The following DBNL variants were observed in gnomAD, a reference collection of about 807,000 sequenced individuals.
DBNL encodes the protein drebrin-like protein.
Under a neutral mutation model 62.2 loss-of-function variants are expected in DBNL, and 35 were observed. The ratio of observed to expected loss-of-function variants is 0.56; its 90% CI spans 0.43 to 0.75. The LOEUF (loss-of-function observed/expected upper bound fraction) is 0.75. DBNL is among the 30% of genes least tolerant of loss of function. The pLI, the probability that DBNL is intolerant of heterozygous loss-of-function variation, is 0.00. For synonymous variants in DBNL, 197 were observed against 218.0 expected, an observed-to-expected ratio of 0.90 and a Z score of 0.85; for missense variants, 495 against 578.4, an observed-to-expected ratio of 0.86 and a Z score of 1.48.
Position 44,063,107 on chromosome 7 carries a change from A to C in DBNL, c.*2191A>C. 1.5e-6 allele frequency: 1 copy of C among 685,186 alleles called. No homozygotes were observed. Among genetic ancestry groups the C allele is most frequent in the Non-Finnish European group, 2.6e-6 (1 of 384,414 alleles). The allele number at this position is 685,186 out of a possible 1,614,324, so 42.4% of individuals were successfully genotyped here. The stretch of plus-strand genomic sequence containing the variant: ...GGTCAAGGAGTAACTGAGTTAGACC[A>C]AGCAGCCTACAGAAATAGCCCAGTG... On this transcript the variant is annotated 3_prime_UTR_variant, in exon 13 of 13. Coordinates refer to ENST00000448521, the MANE Select transcript of DBNL (RefSeq NM_001014436.3).
chr7:44,052,230 T>C (rs2096127839), intron 3 of DBNL, among the ~76,000 whole-genome samples: 1 of 151,980 alleles, frequency 6.6e-6, no homozygotes, highest in African/African-American at 2.4e-5. Context: ...GGGTGGTTGT[T>C]CTGATGGAGT....
At chr7:44,056,157 T>G (rs992427668) in intron 4 of DBNL, among the ~76,000 whole-genome samples, 1 of 152,206 alleles carries the variant, frequency 6.6e-6, no homozygotes, top group African/African-American at 2.4e-5. Context: ...CCTAGCCCTG[T>G]TTATGAAGGA....
rs201908821 is a variant in DBNL, at chr7:44,064,832, C to A, written c.*3916C>A. 73 of 1,602,886 alleles carry A rather than the reference C, an allele frequency of 4.6e-5. No individual in the cohort carries two copies. The highest frequency in any genetic ancestry group is 5.7e-5 in the Non-Finnish European group (67 of 1,176,804). On this transcript the variant is annotated 3_prime_UTR_variant, in exon 13 of 13. Transcript: ENST00000448521. ...CCCAGGCTCCTGAAGGTGGCCTCACCTTCCAGGTGCTTGACAATGCCCCGC... is the reference window on the plus strand; with the variant it reads ...CCCAGGCTCCTGAAGGTGGCCTCACATTCCAGGTGCTTGACAATGCCCCGC...
Position 44,053,883 on chromosome 7 carries a change from A to G in DBNL, c.327+942A>G, listed in dbSNP as rs556507713. Reference sequence around the variant, plus strand: ...AGTAGAGACGGGGTTTCACTGTGTTAGCCAGGATGGTCTCGATCTCCTGAC... The same window carrying G: ...AGTAGAGACGGGGTTTCACTGTGTTGGCCAGGATGGTCTCGATCTCCTGAC... On this transcript the variant is annotated intron_variant, in intron 4 of 12. Coordinates refer to ENST00000448521, the MANE Select transcript of DBNL (RefSeq NM_001014436.3). 1.8e-4 allele frequency among the ~76,000 whole-genome samples: 27 copies of G among 151,990 alleles called. No individual in the cohort carries two copies. In the East Asian group the frequency reaches 3.3e-3, roughly 19 times the overall value.
intron 2 of DBNL, 160 bp from the exon 3 acceptor site, chr7:44,051,670 G>T: frequency 3.2e-6 from 2 of 625,050 alleles, no homozygotes; most frequent in South Asian, 3.9e-5. Flanking sequence ...TGAGGGTGGT[G>T]CCCAGGACTC....
At chr7:44,048,348 C>T (rs2096120895) in intron 1 of DBNL, among the ~76,000 whole-genome samples, 1 of 152,262 alleles carries the variant, frequency 6.6e-6, no homozygotes, top group Admixed American at 6.5e-5. Flanking sequence ...AGGGAGTTCC[C>T]CCCAGCTCAT....
Position 44,064,938 on chromosome 7 carries a change from G to C in DBNL, c.*4022G>C, listed in dbSNP as rs1201379677. On this transcript the variant is annotated 3_prime_UTR_variant, in exon 13 of 13. Transcript: ENST00000448521. The stretch of plus-strand genomic sequence containing the variant: ...CAATCTCCTCGTTCCAGAAGGGCAG[G>C]GCCCGGGCAATGGTGTCCTTGAGGC... 4 of 1,610,022 alleles carry C rather than the reference G, an allele frequency of 2.5e-6. No individual in the cohort carries two copies. The highest frequency in any genetic ancestry group is 3.4e-6 in the Non-Finnish European group (4 of 1,179,710).
chr7:44,052,744 T>C (rs1448434587), intron 3 of DBNL, 123 bp from the exon 4 acceptor site: 1 of 1,120,316 alleles, frequency 8.9e-7, no homozygotes, highest in Non-Finnish European at 1.3e-6. Flanking sequence ...GTCAGAAGAA[T>C]AGGTTCTGCT....
rs2096148528 is a variant in DBNL at position 44,061,263 on chromosome 7, C to T, written c.*347C>T. On this transcript the variant is annotated 3_prime_UTR_variant, in exon 13 of 13. Coordinates refer to ENST00000448521, the MANE Select transcript of DBNL (RefSeq NM_001014436.3). Reference sequence around the variant, plus strand: ...GGGGCATCTGGGAGGCTCTGGCTGCCTTCTGCATTTATTTGCCTTTTTTCT... The same window carrying T: ...GGGGCATCTGGGAGGCTCTGGCTGCTTTCTGCATTTATTTGCCTTTTTTCT... 1 of 272,028 alleles carries T rather than the reference C, an allele frequency of 3.7e-6. No individual in the cohort carries two copies. Among genetic ancestry groups the T allele is most frequent in the African/African-American group, 2.2e-5 (1 of 45,830 alleles). The allele number at this position is 272,028 out of a possible 1,614,324, so 16.9% of individuals were successfully genotyped here. A position where few individuals can be genotyped will look rare whatever the true frequency, so the allele number is the denominator to read the frequency against.
Position 44,064,354 on chromosome 7 carries a change from C to A in DBNL, c.*3438C>A. 1 of 212,614 alleles carries A rather than the reference C, an allele frequency of 4.7e-6. No individual in the cohort carries two copies. The highest frequency in any genetic ancestry group is 7.1e-5 in the South Asian group (1 of 14,046). The allele number at this position is 212,614 out of a possible 1,614,324, so 13.2% of individuals were successfully genotyped here. A position where few individuals can be genotyped will look rare whatever the true frequency, so the allele number is the denominator to read the frequency against. On this transcript the variant is annotated 3_prime_UTR_variant, in exon 13 of 13. Transcript: ENST00000448521. ...AGGGAGATAGGTGGTGAAGCTCATGCAGGGATTCTGAGGACCTGATGGGGG... is the reference window on the plus strand; with the variant it reads ...AGGGAGATAGGTGGTGAAGCTCATGAAGGGATTCTGAGGACCTGATGGGGG...
At chr7:44,046,678 T>C (rs1221827205) in intron 1 of DBNL, among the ~76,000 whole-genome samples, 2 of 152,222 alleles carry the variant, frequency 1.3e-5, no homozygotes, top group African/African-American at 4.8e-5. Context: ...CATAACCCAC[T>C]GACCTCCACC....
rs754597320 is a variant in DBNL, at chr7:44,058,218, G to A, written c.642G>A (p.Leu214=). The change falls in exon 7 of 13, where the codon CTG becomes CTA. Residue 214 remains leucine, a synonymous_variant. Coordinates refer to ENST00000448521, the MANE Select transcript of DBNL (RefSeq NM_001014436.3). The part of the protein sequence containing the change: ...QLEQERRERE[L]REAARREQRY... ...AGCAGGAGCGCCGGGAGCGTGAGCT[G>A]CGTGAGGCTGCACGCCGGGAGCAGC... 1.3e-6 allele frequency: 2 copies of A among 1,569,846 alleles called. No homozygotes were observed. Among genetic ancestry groups the A allele is most frequent in the Admixed American group, 1.9e-5 (1 of 52,544 alleles).
chr7:44,051,759 C>A, intron 2 of DBNL, 71 bp from the exon 3 acceptor site: 2 of 1,493,244 alleles, frequency 1.3e-6, no homozygotes, highest in Non-Finnish European at 1.9e-6. Flanking sequence ...CTCGGCCTCC[C>A]TTCATGGTGG....
In DBNL at chr7:44,059,299, C is replaced by T. The variant is rs896144390; in HGVS notation, c.836-55C>T. The T allele has an allele frequency of 8.7e-5, 136 of 1,561,258 alleles. No individual in the cohort carries two copies. Among genetic ancestry groups the T allele is most frequent in the Middle Eastern group, 8.4e-4 (5 of 5,944 alleles). On this transcript the variant is annotated intron_variant, in intron 9 of 12. Coordinates refer to ENST00000448521, the MANE Select transcript of DBNL (RefSeq NM_001014436.3). This position sits in a 1 kb window ranked among gnomAD's most constrained non-coding sequence, Gnocchi z 4.1. ...CCAGGGTGGAGGGTGCTGTGGGGTG[C>T]GTGGGTGTGTGGTGGTGTTTCTGAA...
intron 5 of DBNL, among the ~76,000 whole-genome samples, 163 bp from the exon 6 acceptor site, chr7:44,057,619 G>C (rs972195832): frequency 6.6e-6 from 1 of 152,194 alleles, no homozygotes; most frequent in Non-Finnish European, 1.5e-5. Context: ...CTTGGTGTGT[G>C]TCTCCTTGAG....
rs779964633 is a variant in DBNL, at chr7:44,062,891, G to A, written c.*1975G>A. 5.0e-5 allele frequency: 81 copies of A among 1,614,070 alleles called. No homozygotes were observed. The highest frequency in any genetic ancestry group is 1.5e-4 in the Admixed American group (9 of 60,006). On this transcript the variant is annotated 3_prime_UTR_variant, in exon 13 of 13. Coordinates refer to ENST00000448521, the MANE Select transcript of DBNL (RefSeq NM_001014436.3). The stretch of plus-strand genomic sequence containing the variant: ...CAGCTCATACACAATGGGGATCCCC[G>A]TGGGCAGGTTCAGCTCCATGATCGC...
intron 4 of DBNL, among the ~76,000 whole-genome samples, chr7:44,054,745 C>G (rs2096133068): frequency 6.6e-6 from 1 of 152,184 alleles, no homozygotes; most frequent in South Asian, 2.1e-4. Flanking sequence ...TTCTATTTAA[C>G]TGTACTTTTG....
In DBNL at chr7:44,044,709, G is replaced by A. The variant is rs2096113516; in HGVS notation, c.-29G>A. The A allele has an allele frequency of 6.8e-7, 1 of 1,473,952 alleles. No individual in the cohort carries two copies. The highest frequency in any genetic ancestry group is 9.0e-7 in the Non-Finnish European group (1 of 1,114,204). 91.3% of individuals were successfully genotyped at this position (1,473,952 alleles called of 1,614,324 possible). ...GGCCCGGCCCGGCCCGGAAGCTACA[G>A]CAGCGGCGCGGAGACTGCGGGGCGG... On this transcript the variant is annotated 5_prime_UTR_variant, in exon 1 of 13. Transcript: ENST00000448521.
chr7:44,064,800 C>A lies in DBNL; in HGVS notation c.*3884C>A. The A allele has an allele frequency of 1.6e-6, 2 of 1,231,522 alleles. No individual in the cohort carries two copies. Among genetic ancestry groups the A allele is most frequent in the East Asian group, 2.5e-5 (1 of 40,402 alleles). 76.3% of individuals were successfully genotyped at this position (1,231,522 alleles called of 1,614,324 possible). ...AAGCCAGCTGGGGCTGCTGCCCACCCACCCTGCCCAGGCTCCTGAAGGTGG... is the reference window on the plus strand; with the variant it reads ...AAGCCAGCTGGGGCTGCTGCCCACCAACCCTGCCCAGGCTCCTGAAGGTGG... On this transcript the variant is annotated 3_prime_UTR_variant, in exon 13 of 13. Transcript: ENST00000448521.
Sources: gnomAD v4.1 joint callset for allele counts (sites outside exome capture counted in the v4.1 genomes callset) on GRCh38, gnomAD v4.1.1 for gene constraint, Gnocchi (gnomAD v3.1) non-coding constraint, MANE v1.5 for transcripts, NCBI Gene and HGNC (gene_info 2026-07-23, HGNC 2026-07-21) for gene names.